Variants in RORA observed in about 807,000 individuals in gnomAD.
The protein encoded by RORA is nuclear receptor ROR-alpha.
RORA carries 7 observed loss-of-function variants against 69.5 expected under a neutral mutation model. The ratio of observed to expected loss-of-function variants is 0.10; its 90% CI spans 0.06 to 0.19. The LOEUF (loss-of-function observed/expected upper bound fraction) is 0.19, where lower values mean the gene tolerates loss of function less well. RORA is among the 10% of genes least tolerant of loss of function. The pLI, the probability that RORA is intolerant of heterozygous loss-of-function variation, is 1.00. For missense variants in RORA, 457 were observed against 663.0 expected (o/e 0.69, Z 3.41); for synonymous variants, 261 against 240.8 (o/e 1.08, Z -0.78).
At chr15:60,691,816 T>C (rs2070830688) in intron 1 of RORA, among the ~76,000 whole-genome samples, 1 of 152,238 alleles carries the variant, frequency 6.6e-6, no homozygotes. Context: ...AGAAAGATCT[T>C]TATGATCTTG....
intron 2 of RORA, among the ~76,000 whole-genome samples, chr15:60,595,293 A>C (rs903069642): frequency 2.0e-5 from 3 of 152,182 alleles, no homozygotes; most frequent in African/African-American, 7.2e-5. Context: ...CGGGTGGATC[A>C]CTTGAGGTCA....
chr15:61,179,664 G>A (rs761436118), intron 1 of RORA, among the ~76,000 whole-genome samples: 5 of 152,110 alleles, frequency 3.3e-5, no homozygotes, highest in Admixed American at 6.5e-5. Flanking sequence ...TTAGCATAAC[G>A]CCTGACATAT....
chr15:60,990,476 G>A (rs1894338987), intron 1 of RORA, among the ~76,000 whole-genome samples: 1 of 152,170 alleles, frequency 6.6e-6, no homozygotes, highest in Admixed American at 6.5e-5. Flanking sequence ...GAAATGCTAA[G>A]AAATGGTGTA....
chr15:61,134,182 G>A (rs1173525925), intron 1 of RORA, among the ~76,000 whole-genome samples: 1 of 152,164 alleles, frequency 6.6e-6, no homozygotes, highest in African/African-American at 2.4e-5. Flanking sequence ...CTCCCTCAGA[G>A]TCTAAGAATT....
chr15:61,104,508 T>C (rs1359553420), intron 1 of RORA, among the ~76,000 whole-genome samples: 1 of 152,126 alleles, frequency 6.6e-6, no homozygotes, highest in African/African-American at 2.4e-5. Flanking sequence ...CTCTGCTCAC[T>C]CCCCGCTGCC....
chr15:60,921,323 T>A (rs968114276), intron 1 of RORA, among the ~76,000 whole-genome samples: 3 of 152,194 alleles, frequency 2.0e-5, no homozygotes, highest in African/African-American at 7.2e-5. Context: ...GGCACATTTC[T>A]ACCGTGGAAC....
At chr15:60,716,284 G>A (rs942284111) in intron 1 of RORA, among the ~76,000 whole-genome samples, 1 of 152,174 alleles carries the variant, frequency 6.6e-6, no homozygotes, top group African/African-American at 2.4e-5. Context: ...AGACTTCTGT[G>A]AGGTGCCATA....
chr15:60,998,853 T>C (rs1221204116), intron 1 of RORA, among the ~76,000 whole-genome samples: 1 of 152,184 alleles, frequency 6.6e-6, no homozygotes, highest in Non-Finnish European at 1.5e-5. Flanking sequence ...GAGACTGGCA[T>C]GATAATATTC....
At chr15:60,712,717 C>T (rs898334164) in intron 1 of RORA, among the ~76,000 whole-genome samples, 2 of 152,198 alleles carry the variant, frequency 1.3e-5, no homozygotes, top group African/African-American at 2.4e-5. Context: ...CCTACTGCTT[C>T]CAGGAAGGCT....
intron 1 of RORA, chr15:60,686,964 A>C (rs1224205681): frequency 6.6e-6 from 1 of 152,314 alleles, no homozygotes; most frequent in Non-Finnish European, 1.5e-5. Flanking sequence ...AAGGCAAGTA[A>C]AGACTGAAGA....
intron 1 of RORA, among the ~76,000 whole-genome samples, chr15:60,794,505 A>C (rs983373015): frequency 2.0e-5 from 3 of 152,184 alleles, no homozygotes; most frequent in Admixed American, 6.5e-5. Context: ...ACGACCATAA[A>C]GTCCTAGGGA....
At chr15:60,956,452 T>C (rs1324716965) in intron 1 of RORA, among the ~76,000 whole-genome samples, 6 of 152,124 alleles carry the variant, frequency 3.9e-5, no homozygotes, top group Non-Finnish European at 7.4e-5. Context: ...TAGAAAACAA[T>C]GACAATTTAA....
intron 1 of RORA, among the ~76,000 whole-genome samples, chr15:61,170,194 A>G (rs1364011929): frequency 6.6e-6 from 1 of 152,200 alleles, no homozygotes; most frequent in African/African-American, 2.4e-5. Context: ...AATCAACACA[A>G]ATCTACTAAC....
At chr15:60,790,127 A>C (rs2072394355) in intron 1 of RORA, among the ~76,000 whole-genome samples, 1 of 152,362 alleles carries the variant, frequency 6.6e-6, no homozygotes, top group African/African-American at 2.4e-5. Context: ...TAGACTTTAG[A>C]GGTCTTAGCA....
intron 2 of RORA, among the ~76,000 whole-genome samples, chr15:60,641,098 T>C (rs72748766): frequency 0.049 from 7,408 of 152,168 alleles, 241 homozygotes; most frequent in Non-Finnish European, 0.072. Flanking sequence ...ACTACAGGTG[T>C]GTACAACCAT....
chr15:60,701,980 T>C (rs2070988397), intron 1 of RORA, among the ~76,000 whole-genome samples: 3 of 152,288 alleles, frequency 2.0e-5, no homozygotes, highest in South Asian at 4.1e-4. Flanking sequence ...TCAACTAACA[T>C]GCAGGAAATG....
At chr15:61,081,336 G>A (rs2078536572) in intron 1 of RORA, among the ~76,000 whole-genome samples, 1 of 152,074 alleles carries the variant, frequency 6.6e-6, no homozygotes, top group African/African-American at 2.4e-5. Context: ...ATTTATATTT[G>A]GAAGAGGGAA....
intron 1 of RORA, among the ~76,000 whole-genome samples, chr15:61,222,773 A>G (rs766739897): frequency 6.6e-6 from 1 of 152,198 alleles, no homozygotes; most frequent in Non-Finnish European, 1.5e-5. Flanking sequence ...TGTGCTTGGA[A>G]AGAGGGTTTC....
chr15:60,731,319 T>C (rs2071426125), intron 1 of RORA, among the ~76,000 whole-genome samples: 1 of 152,244 alleles, frequency 6.6e-6, no homozygotes, highest in Non-Finnish European at 1.5e-5. Context: ...GCCTTCTCTT[T>C]AAACATGCAT....
Sources: gnomAD v4.1 joint callset for allele counts (sites outside exome capture counted in the v4.1 genomes callset) on GRCh38, gnomAD v4.1.1 for gene constraint, MANE v1.5 for transcripts, NCBI Gene and HGNC (gene_info 2026-07-23, HGNC 2026-07-21) for gene names.